The following TCERG1L variants were observed in gnomAD, a reference collection of about 807,000 sequenced individuals.
TCERG1L encodes the protein transcription elongation regulator 1 like.
A neutral mutation model predicts 56.3 loss-of-function variants in TCERG1L; 37 were observed. The ratio of observed to expected loss-of-function variants is 0.66; its 90% CI spans 0.51 to 0.87. The LOEUF is 0.87. Ranked by LOEUF, TCERG1L falls within the 40% of genes least tolerant of loss-of-function variation. TCERG1L has a pLI of 0.00. For synonymous variants in TCERG1L, 324 were observed against 326.3 expected, an observed-to-expected ratio of 0.99 and a Z score of 0.08; for missense variants, 799 against 774.2, an observed-to-expected ratio of 1.03 and a Z score of -0.38.
intron 4 of TCERG1L, among the ~76,000 whole-genome samples, chr10:131,257,279 A>C (rs946121265): frequency 6.6e-6 from 1 of 152,134 alleles, no homozygotes; most frequent in African/African-American, 2.4e-5. Flanking sequence ...GCCAACGGAC[A>C]CAAAGGACAC....
chr10:131,175,345 C>T (rs943426429), intron 4 of TCERG1L, among the ~76,000 whole-genome samples: 9 of 152,344 alleles, frequency 5.9e-5, no homozygotes, highest in Non-Finnish European at 8.8e-5. Flanking sequence ...CACGCTTGCA[C>T]GGAGGCATGC....
chr10:131,100,121 C>T (rs1217932273), intron 10 of TCERG1L, among the ~76,000 whole-genome samples: 1 of 152,214 alleles, frequency 6.6e-6, no homozygotes. Context: ...CCCGCCTCAG[C>T]CTTCCAAAGT....
intron 4 of TCERG1L, among the ~76,000 whole-genome samples, chr10:131,195,115 G>A (rs1845344590): frequency 6.6e-6 from 1 of 152,152 alleles, no homozygotes; most frequent in African/African-American, 2.4e-5. Flanking sequence ...ATAAGCACGA[G>A]GAACAGACGT....
chr10:131,149,817 G>A (rs1845844058), intron 6 of TCERG1L, among the ~76,000 whole-genome samples: 1 of 152,212 alleles, frequency 6.6e-6, no homozygotes, highest in Non-Finnish European at 1.5e-5. Context: ...CGGGGGTGCA[G>A]GGAGTGAAGA....
chr10:131,150,995 C>T (rs901486496), intron 6 of TCERG1L, among the ~76,000 whole-genome samples: 2 of 152,192 alleles, frequency 1.3e-5, no homozygotes, highest in East Asian at 3.9e-4. Context: ...AACTCACTCG[C>T]TATCACAAGA....
intron 4 of TCERG1L, among the ~76,000 whole-genome samples, chr10:131,213,799 A>T (rs1845641229): frequency 6.6e-6 from 1 of 152,188 alleles, no homozygotes; most frequent in African/African-American, 2.4e-5. Context: ...ACCTGAGCTT[A>T]GGGCCCTGTG....
chr10:131,094,054 G>A (rs1280652709), intron 11 of TCERG1L, among the ~76,000 whole-genome samples: 1 of 152,230 alleles, frequency 6.6e-6, no homozygotes, highest in Non-Finnish European at 1.5e-5. Flanking sequence ...ACCCAGCCTA[G>A]AGCAGCAAGG....
intron 3 of TCERG1L, among the ~76,000 whole-genome samples, chr10:131,291,520 A>G (rs978488370): frequency 3.7e-5 from 5 of 135,482 alleles, no homozygotes; most frequent in African/African-American, 1.4e-4. Context: ...TCCGCCTCCC[A>G]GGTTCATGCC....
intron 3 of TCERG1L, among the ~76,000 whole-genome samples, chr10:131,274,781 C>T (rs1310658809): frequency 2.0e-5 from 3 of 152,176 alleles, no homozygotes; most frequent in Non-Finnish European, 2.9e-5. Flanking sequence ...AAGCCCAGGC[C>T]GTGTGACACC....
chr10:131,157,046 G>A (rs1426645291), intron 6 of TCERG1L, among the ~76,000 whole-genome samples: 1 of 152,080 alleles, frequency 6.6e-6, no homozygotes, highest in East Asian at 1.9e-4. Context: ...CTGGCTTCTG[G>A]GCTAGGCACA....
At chr10:131,183,776 C>A (rs1845206821) in intron 4 of TCERG1L, among the ~76,000 whole-genome samples, 1 of 152,220 alleles carries the variant, frequency 6.6e-6, no homozygotes, top group Admixed American at 6.5e-5. Context: ...CCTGTTCTGT[C>A]TCCTACTCTG....
intron 3 of TCERG1L, among the ~76,000 whole-genome samples, chr10:131,272,836 C>T (rs1022601436): frequency 7.2e-5 from 11 of 152,332 alleles, no homozygotes; most frequent in Admixed American, 3.3e-4. Flanking sequence ...CCAGCTTCCA[C>T]GGGACCTAGA....
chr10:131,274,860 G>A (rs1270917756), intron 3 of TCERG1L, among the ~76,000 whole-genome samples: 1 of 152,190 alleles, frequency 6.6e-6, no homozygotes, highest in Non-Finnish European at 1.5e-5. Flanking sequence ...CAGTCTGCCT[G>A]CCTCCATCCA....
Position 131,116,941 on chromosome 10 carries a change from G to A in TCERG1L, c.1260-7C>T, listed in dbSNP as rs1564794942. 11 of 1,606,214 alleles carry A rather than the reference G, an allele frequency of 6.8e-6. No homozygotes were observed. Among genetic ancestry groups the A allele is most frequent in the Non-Finnish European group, 9.3e-6 (11 of 1,176,946 alleles). On this transcript the variant is annotated splice_region_variant and splice_polypyrimidine_tract_variant and intron_variant, in intron 8 of 11. Transcript: ENST00000368642. Reference sequence around the variant, plus strand: ...ACTCCCGCAGCCTTCGGTCCTTCAGGAACACAAGACGCAGAGTTAGACACA... The same window carrying A: ...ACTCCCGCAGCCTTCGGTCCTTCAGAAACACAAGACGCAGAGTTAGACACA...
intron 11 of TCERG1L, among the ~76,000 whole-genome samples, chr10:131,096,919 G>T (rs1361779426): frequency 6.6e-6 from 1 of 151,234 alleles, no homozygotes; most frequent in Non-Finnish European, 1.5e-5. Context: ...ACTGATTCTG[G>T]CTGGGCATGG....
At chr10:131,097,568 C>A (rs1417384884) in intron 11 of TCERG1L, among the ~76,000 whole-genome samples, 1 of 152,118 alleles carries the variant, frequency 6.6e-6, no homozygotes, top group Non-Finnish European at 1.5e-5. Context: ...AGGATGGTCT[C>A]GATCTCCTGA....
chr10:131,148,604 G>T (rs984777677), intron 6 of TCERG1L, among the ~76,000 whole-genome samples: 1 of 150,434 alleles, frequency 6.6e-6, no homozygotes, highest in Admixed American at 6.6e-5. Context: ...ACATGCACAC[G>T]TAGACACACA....
At chr10:131,146,778 T>C in intron 6 of TCERG1L, 118 bp from the exon 7 acceptor site, 1 of 1,175,748 alleles carries the variant, frequency 8.5e-7, no homozygotes, top group Non-Finnish European at 1.2e-6. Context: ...TTTGCAAAGC[T>C]TGTTTATGGA....
chr10:131,275,745 A>T (rs1846385853), intron 3 of TCERG1L, among the ~76,000 whole-genome samples: 1 of 152,216 alleles, frequency 6.6e-6, no homozygotes, highest in Admixed American at 6.5e-5. Flanking sequence ...AATTATCTTT[A>T]AAAAGGAAGA....
Sources: allele counts gnomAD v4.1 joint callset (sites outside exome capture counted in the v4.1 genomes callset), GRCh38; gene constraint gnomAD v4.1.1; transcripts MANE v1.5; gene names NCBI Gene and HGNC (gene_info 2026-07-23, HGNC 2026-07-21).